Variants in PRIM2 observed in about 807,000 individuals in gnomAD.
PRIM2 encodes DNA primase subunit 2, also known as DNA primase large subunit.
A neutral mutation model predicts 67.3 loss-of-function variants in PRIM2; 39 were observed. That is an observed-to-expected ratio of 0.58 (90% CI 0.45 to 0.76). PRIM2 has a LOEUF of 0.76. Ranked by LOEUF, PRIM2 falls within the 30% of genes least tolerant of loss-of-function variation. PRIM2 has a pLI of 0.00. For synonymous variants in PRIM2, 143 were observed against 198.7 expected (o/e 0.72, Z 2.36); for missense variants, 398 against 598.7 (o/e 0.66, Z 3.50).
At chr6:57,313,112 G>T (rs528238086), upstream of PRIM2, among the ~76,000 whole-genome samples, 1 of 152,144 alleles carries the variant, frequency 6.6e-6, no homozygotes, top group Admixed American at 6.5e-5. Flanking sequence ...CCTTCCATCT[G>T]CCTGAAATGC....
intron 10 of PRIM2, among the ~76,000 whole-genome samples, chr6:57,589,654 G>T (rs1473446786): frequency 2.6e-5 from 4 of 152,108 alleles, no homozygotes; most frequent in African/African-American, 9.7e-5. Context: ...GTTCCTTTTT[G>T]CTCTAGGGCT....
chr6:57,532,356 G>A, intron 8 of PRIM2, 55 bp from the exon 9 acceptor site: 1 of 709,648 alleles, frequency 1.4e-6, no homozygotes, highest in Non-Finnish European at 2.1e-6. Context: ...TTCCTTCGAA[G>A]GGATCAAAAG....
intron 10 of PRIM2, among the ~76,000 whole-genome samples, chr6:57,539,500 ATAAC>A (rs1250814395): frequency 0.01 from 1,531 of 152,230 alleles, 13 homozygotes; most frequent in Middle Eastern, 0.038. Context: ...ACTAATATAA[ATAAC>A]AGAGTCAAAT....
intron 5 of PRIM2, among the ~76,000 whole-genome samples, chr6:57,342,119 T>C (rs2127294558): frequency 6.6e-6 from 1 of 152,344 alleles, no homozygotes; most frequent in Non-Finnish European, 1.5e-5. Context: ...GGTGTTCTAT[T>C]ACTGACTTGG....
At chr6:57,230,801 C>A in the PRIM2 span, among the ~76,000 whole-genome samples, 1 of 152,158 alleles carries the variant, frequency 6.6e-6, no homozygotes, top group African/African-American at 2.4e-5. Flanking sequence ...TTGAATAAAT[C>A]TACATCCTTT....
At chr6:57,639,104 C>A (rs1394736083) in intron 13 of PRIM2, among the ~76,000 whole-genome samples, 18 of 152,282 alleles carry the variant, frequency 1.2e-4, no homozygotes, top group Admixed American at 9.2e-4. Context: ...GAAACTCACT[C>A]AAAACTGCAC....
intron 12 of PRIM2, among the ~76,000 whole-genome samples, chr6:57,618,674 A>G (rs1490920833): frequency 6.6e-6 from 1 of 151,872 alleles, no homozygotes. Context: ...TTCTTTGACA[A>G]CCTGCATGAC....
At chr6:57,337,145 A>T (rs1768281648) in intron 5 of PRIM2, among the ~76,000 whole-genome samples, 1 of 152,228 alleles carries the variant, frequency 6.6e-6, no homozygotes, top group Admixed American at 6.5e-5. Flanking sequence ...GGATCAATTC[A>T]ATAAGAAGAG....
chr6:57,542,969 C>T (rs1775200790), intron 10 of PRIM2, among the ~76,000 whole-genome samples: 1 of 24,292 alleles, frequency 4.1e-5, no homozygotes, highest in Non-Finnish European at 8.0e-5. Context: ...GAGACGGAGT[C>T]TCGCTGTCGC....
the PRIM2 span, among the ~76,000 whole-genome samples, chr6:57,243,757 G>A: frequency 6.6e-6 from 1 of 152,182 alleles, no homozygotes. Context: ...TTACAGGTGT[G>A]GGCCACAGCG....
intron 13 of PRIM2, among the ~76,000 whole-genome samples, chr6:57,633,611 G>A (rs1360202166): frequency 6.6e-6 from 1 of 152,100 alleles, no homozygotes; most frequent in Admixed American, 6.5e-5. Flanking sequence ...TAATGCAGCA[G>A]TCCCCAACCT....
chr6:57,263,412 G>A, the PRIM2 span, among the ~76,000 whole-genome samples: 1 of 152,150 alleles, frequency 6.6e-6, no homozygotes, highest in Non-Finnish European at 1.5e-5. Context: ...GTGGCTCTTG[G>A]CAATCCTTGG....
At chr6:57,493,466 G>C (rs1554346148) in intron 7 of PRIM2, among the ~76,000 whole-genome samples, 1 of 152,166 alleles carries the variant, frequency 6.6e-6, no homozygotes, top group Non-Finnish European at 1.5e-5. Flanking sequence ...GAGCACTGTT[G>C]AAGCATCTTA....
rs1554346356 is a variant in PRIM2, at chr6:57,496,037, C to T, written c.694-11350C>T. On this transcript the variant is annotated intron_variant, in intron 7 of 13. Coordinates refer to ENST00000615550, the MANE Select transcript of PRIM2 (RefSeq NM_000947.5). The stretch of plus-strand genomic sequence containing the variant: ...CTGGGATTACAGACTTGAGCCACTG[C>T]GCCCAGCCCACTCTGAATTGTTTTA... Among the ~76,000 whole-genome samples the T allele has an allele frequency of 1.2e-3, 189 of 152,300 alleles. 3 individuals carry two copies. The East Asian group carries it at 0.016, about 13-fold the overall frequency.
chr6:57,317,050 A>T (rs1767502950), upstream of PRIM2, among the ~76,000 whole-genome samples: 1 of 152,198 alleles, frequency 6.6e-6, no homozygotes, highest in South Asian at 2.1e-4. Flanking sequence ...GAAATTCAAA[A>T]TATGTATTGT....
At chr6:57,430,175 C>T (rs1771769674) in intron 7 of PRIM2, among the ~76,000 whole-genome samples, 1 of 152,018 alleles carries the variant, frequency 6.6e-6, no homozygotes, top group Non-Finnish European at 1.5e-5. Flanking sequence ...GGGGTCTGTC[C>T]TTGGGGTTAT....
chr6:57,374,081 A>G (rs545648648), intron 5 of PRIM2, among the ~76,000 whole-genome samples: 2 of 152,028 alleles, frequency 1.3e-5, no homozygotes, highest in African/African-American at 4.8e-5. Context: ...ATCCATGAGC[A>G]TGGAATATTT....
chr6:57,326,073 A>C, intron 5 of PRIM2, 28 bp downstream of exon 5: 4 of 1,606,324 alleles, frequency 2.5e-6, no homozygotes, highest in Non-Finnish European at 3.4e-6. Context: ...GTTATTTCTA[A>C]TTGTTCTCAC....
At chr6:57,548,113 G>A (rs1378891527) in intron 10 of PRIM2, among the ~76,000 whole-genome samples, 1 of 152,162 alleles carries the variant, frequency 6.6e-6, no homozygotes, top group Non-Finnish European at 1.5e-5. Flanking sequence ...CCATTTTCTA[G>A]TGCTTATCAC....
Sources: gnomAD v4.1 joint callset for allele counts (sites outside exome capture counted in the v4.1 genomes callset) on GRCh38, gnomAD v4.1.1 for gene constraint, MANE v1.5 for transcripts, NCBI Gene and HGNC (gene_info 2026-07-23, HGNC 2026-07-21) for gene names.